PDE4D: variants seen among roughly 807,000 people sequenced by gnomAD.
PDE4D encodes 3',5'-cyclic-AMP phosphodiesterase 4D.
A neutral mutation model predicts 87.4 loss-of-function variants in PDE4D; 24 were observed. That is an observed-to-expected ratio of 0.27 (90% CI 0.20 to 0.39). The LOEUF is 0.39. Ranked by LOEUF, PDE4D falls within the 10% of genes least tolerant of loss-of-function variation. PDE4D has a pLI of 1.00. For synonymous variants in PDE4D, 384 were observed against 383.2 expected (o/e 1.00, Z -0.02); for missense variants, 714 against 1,041.0 (o/e 0.69, Z 4.32).
chr5:59,888,182 T>C (rs1750450902), intron 1 of PDE4D, among the ~76,000 whole-genome samples: 1 of 152,250 alleles, frequency 6.6e-6, no homozygotes. Flanking sequence ...CTGCTCCACA[T>C]GTGGGCAACT....
intron 1 of PDE4D, among the ~76,000 whole-genome samples, chr5:60,343,672 C>T (rs910313587): frequency 8.6e-5 from 13 of 151,990 alleles, no homozygotes; most frequent in Middle Eastern, 3.4e-3. Flanking sequence ...ACTGGAGGGT[C>T]GAAAGATGGG....
intron 1 of PDE4D, chr5:60,460,181 A>G (rs1006306948): frequency 1.3e-6 from 2 of 1,563,626 alleles, no homozygotes; most frequent in East Asian, 2.3e-5. Flanking sequence ...CATTTCATCA[A>G]ATCCTTTCCA....
chr5:59,132,101 ATAAT>A (rs1302194363), intron 5 of PDE4D, among the ~76,000 whole-genome samples: 1 of 152,204 alleles, frequency 6.6e-6, no homozygotes, highest in South Asian at 2.1e-4. Flanking sequence ...AAGCTAATAT[ATAAT>A]TAATTTTACT....
At chr5:59,233,611 T>C (rs1338048861) in intron 1 of PDE4D, among the ~76,000 whole-genome samples, 2 of 152,128 alleles carry the variant, frequency 1.3e-5, no homozygotes, top group East Asian at 1.9e-4. Context: ...GAGCCAAATG[T>C]TCCTCTCTAG....
At chr5:59,397,088 G>C (rs1211941997) in intron 1 of PDE4D, among the ~76,000 whole-genome samples, 1 of 130,726 alleles carries the variant, frequency 7.6e-6, no homozygotes, top group Non-Finnish European at 1.6e-5. Flanking sequence ...AGCAAGTCCT[G>C]AGTGACCTAC....
intron 1 of PDE4D, among the ~76,000 whole-genome samples, chr5:59,340,305 G>A (rs1159881121): frequency 6.6e-6 from 1 of 152,132 alleles, no homozygotes; most frequent in African/African-American, 2.4e-5. Context: ...TGTGAACCAT[G>A]AATGATGGCC....
At chr5:59,686,328 A>G (rs1248001411) in intron 1 of PDE4D, among the ~76,000 whole-genome samples, 1 of 152,086 alleles carries the variant, frequency 6.6e-6, no homozygotes, top group Non-Finnish European at 1.5e-5. Flanking sequence ...CTATTATTAT[A>G]CCTATTGTAA....
chr5:59,724,408 T>C lies in PDE4D; in HGVS notation c.455+168760A>G, dbSNP rs1460288944. On this transcript the variant is annotated intron_variant, in intron 1 of 14. Coordinates refer to ENST00000340635, the MANE Select transcript of PDE4D (RefSeq NM_001104631.2). ...TTAGAGGGAACATAAGCAGCTTTAT[T>C]ACATGACTAAGTTGCATTTTGTAGG... 2.0e-5 allele frequency among the ~76,000 whole-genome samples: 3 copies of C among 152,106 alleles called. No homozygotes were observed. The South Asian group carries it at 6.2e-4, about 32-fold the overall frequency.
intron 1 of PDE4D, among the ~76,000 whole-genome samples, chr5:59,553,265 A>G (rs1432105869): frequency 2.0e-5 from 3 of 152,076 alleles, no homozygotes; most frequent in Non-Finnish European, 4.4e-5. Context: ...ACTGTTAGGT[A>G]TGACTGCTGT....
At chr5:58,984,245 A>G (rs1214203328) in intron 11 of PDE4D, among the ~76,000 whole-genome samples, 1 of 152,008 alleles carries the variant, frequency 6.6e-6, no homozygotes, top group Non-Finnish European at 1.5e-5. Flanking sequence ...CTCATTCATC[A>G]CTCCACTCTC....
intron 2 of PDE4D, among the ~76,000 whole-genome samples, chr5:60,005,611 T>C (rs1438865028): frequency 6.6e-6 from 1 of 151,994 alleles, no homozygotes; most frequent in East Asian, 1.9e-4. Flanking sequence ...ACCTCAAATA[T>C]ATACAATTTT....
chr5:60,132,824 T>C (rs1195226026), intron 2 of PDE4D, among the ~76,000 whole-genome samples: 1 of 151,946 alleles, frequency 6.6e-6, no homozygotes, highest in Non-Finnish European at 1.5e-5. Flanking sequence ...ACCACTGCAC[T>C]CCAGCCTGGG....
chr5:59,842,861 C>T (rs553130438), intron 1 of PDE4D, among the ~76,000 whole-genome samples: 1 of 151,860 alleles, frequency 6.6e-6, no homozygotes, highest in East Asian at 1.9e-4. Flanking sequence ...TTGAATTCTG[C>T]TTTTTTCCTT....
At chr5:60,338,565 C>T (rs1758019824) in intron 1 of PDE4D, among the ~76,000 whole-genome samples, 1 of 152,152 alleles carries the variant, frequency 6.6e-6, no homozygotes, top group African/African-American at 2.4e-5. Context: ...AGGACAGCCT[C>T]TTTCCAAGGT....
intron 2 of PDE4D, among the ~76,000 whole-genome samples, chr5:60,050,579 A>G (rs1278801478): frequency 6.6e-6 from 1 of 152,210 alleles, no homozygotes; most frequent in Non-Finnish European, 1.5e-5. Flanking sequence ...CACTGCAAAA[A>G]CATACCAAAC....
At chr5:59,560,463 T>TAGG (rs1819779546) in intron 1 of PDE4D, among the ~76,000 whole-genome samples, 1 of 152,228 alleles carries the variant, frequency 6.6e-6, no homozygotes, top group Non-Finnish European at 1.5e-5. Flanking sequence ...CAGGGTTAGA[T>TAGG]ACTCTTTTGG....
At chr5:59,540,696 A>G (rs1816174673) in intron 1 of PDE4D, among the ~76,000 whole-genome samples, 1 of 152,152 alleles carries the variant, frequency 6.6e-6, no homozygotes, top group Admixed American at 6.6e-5. Flanking sequence ...AAGATTTTCA[A>G]TCCTGTCACA....
At chr5:60,308,813 C>T (rs969244754) in intron 1 of PDE4D, among the ~76,000 whole-genome samples, 6 of 152,258 alleles carry the variant, frequency 3.9e-5, no homozygotes, top group African/African-American at 9.6e-5. Context: ...CTGAGGGATT[C>T]GAATTTGAAA....
chr5:60,233,944 A>T (rs1395130080), intron 1 of PDE4D, among the ~76,000 whole-genome samples: 1 of 151,864 alleles, frequency 6.6e-6, no homozygotes, highest in East Asian at 1.9e-4. Context: ...CTCAACATAC[A>T]TATTCACATT....
Sources: allele counts gnomAD v4.1 joint callset (sites outside exome capture counted in the v4.1 genomes callset), GRCh38; gene constraint gnomAD v4.1.1; transcripts MANE v1.5; gene names NCBI Gene and HGNC (gene_info 2026-07-23, HGNC 2026-07-21).